Variants in NALCN observed in about 807,000 individuals in gnomAD.
NALCN encodes the protein sodium leak channel NALCN.
Under a neutral mutation model 225.3 loss-of-function variants are expected in NALCN, and 111 were observed. The ratio of observed to expected loss-of-function variants is 0.49; its 90% CI spans 0.42 to 0.58. The LOEUF (loss-of-function observed/expected upper bound fraction) is 0.58, where lower values mean the gene tolerates loss of function less well. Ranked by LOEUF, NALCN falls within the 20% of genes least tolerant of loss-of-function variation. The probability of loss-of-function intolerance (pLI) is 0.00; values close to 1 mark genes in which losing one functional copy is unlikely to be tolerated. For missense variants in NALCN, 1,378 were observed against 2,202.4 expected (o/e 0.63, Z 7.49); for synonymous variants, 764 against 769.0 (o/e 0.99, Z 0.11).
intron 13 of NALCN, among the ~76,000 whole-genome samples, chr13:101,224,829 C>T (rs2041076592): frequency 6.6e-6 from 1 of 152,136 alleles, no homozygotes; most frequent in African/African-American, 2.4e-5. Context: ...CCCCCTTTTA[C>T]AACAAGCCTC....
chr13:101,354,104 G>A (rs889164035), intron 6 of NALCN, among the ~76,000 whole-genome samples: 2 of 152,178 alleles, frequency 1.3e-5, no homozygotes, highest in Non-Finnish European at 2.9e-5. Context: ...AGCACTTTGG[G>A]AGGCCGAGGC....
intron 19 of NALCN, 69 bp from the exon 20 acceptor site, chr13:101,110,757 T>C (rs768339137): frequency 3.0e-5 from 46 of 1,509,708 alleles, no homozygotes; most frequent in Admixed American, 5.1e-5. Flanking sequence ...GTGACCATGA[T>C]AAAATCAAAA....
At chr13:101,121,107 GTCAGA>G (rs1235080063) in intron 18 of NALCN, among the ~76,000 whole-genome samples, 2 of 152,064 alleles carry the variant, frequency 1.3e-5, no homozygotes, top group African/African-American at 2.4e-5. Context: ...AAAACTGAGG[GTCAGA>G]TTAGTGAGGT....
intron 41 of NALCN, among the ~76,000 whole-genome samples, chr13:101,061,637 A>AGTGAGCACT (rs1469300329): frequency 1.3e-5 from 2 of 151,874 alleles, no homozygotes; most frequent in Non-Finnish European, 2.9e-5. Context: ...TCCCCCCTTG[A>AGTGAGCACT]CCTCTCATAG....
At chr13:101,253,161 A>G (rs1429634654) in intron 11 of NALCN, among the ~76,000 whole-genome samples, 2 of 152,170 alleles carry the variant, frequency 1.3e-5, no homozygotes, top group African/African-American at 2.4e-5. Context: ...CTGTTTATGC[A>G]TAGGCTACAA....
intron 1 of NALCN, among the ~76,000 whole-genome samples, chr13:101,405,644 T>C (rs767571171): frequency 6.6e-5 from 10 of 152,178 alleles, no homozygotes; most frequent in Admixed American, 1.3e-4. Flanking sequence ...TCACACGCAC[T>C]GGGCACTTTC....
At chr13:101,170,302 T>C (rs1408898174) in intron 15 of NALCN, among the ~76,000 whole-genome samples, 1 of 152,194 alleles carries the variant, frequency 6.6e-6, no homozygotes, top group African/African-American at 2.4e-5. Context: ...GTTGTTTACA[T>C]GGTGCAGGCA....
chr13:101,127,285 A>T (rs1181665911), intron 17 of NALCN, among the ~76,000 whole-genome samples: 1 of 152,216 alleles, frequency 6.6e-6, no homozygotes, highest in Non-Finnish European at 1.5e-5. Context: ...CTGTTTTTAT[A>T]ACTAATGCCA....
intron 11 of NALCN, among the ~76,000 whole-genome samples, chr13:101,257,544 A>T (rs1419066766): frequency 3.9e-5 from 6 of 151,916 alleles, no homozygotes; most frequent in African/African-American, 1.5e-4. Flanking sequence ...TGGCAAATTG[A>T]TTTTTTTTAT....
intron 11 of NALCN, among the ~76,000 whole-genome samples, chr13:101,244,407 G>T (rs1408122721): frequency 2.0e-5 from 3 of 152,116 alleles, no homozygotes; most frequent in African/African-American, 7.2e-5. Flanking sequence ...GTGGGAAAAT[G>T]ATATTCTTTT....
intron 7 of NALCN, among the ~76,000 whole-genome samples, chr13:101,320,963 A>C (rs1379411190): frequency 1.3e-5 from 2 of 152,184 alleles, no homozygotes; most frequent in Non-Finnish European, 2.9e-5. Flanking sequence ...TCTGCAGAGC[A>C]ACACCGTTAA....
At chr13:101,123,368 T>C (rs2036072059) in intron 18 of NALCN, among the ~76,000 whole-genome samples, 1 of 152,180 alleles carries the variant, frequency 6.6e-6, no homozygotes, top group African/African-American at 2.4e-5. Context: ...AGCCTTGCTG[T>C]AGGACCCTAC....
At chr13:101,187,238 T>G (rs60863524) in intron 14 of NALCN, among the ~76,000 whole-genome samples, 21,021 of 152,206 alleles carry the variant, frequency 0.14, 2,114 homozygotes, top group African/African-American at 0.28. Context: ...GATTTCTTAC[T>G]ATGCCTCATT....
chr13:101,169,084 C>T (rs1369277699), intron 15 of NALCN, among the ~76,000 whole-genome samples: 1 of 152,120 alleles, frequency 6.6e-6, no homozygotes, highest in Non-Finnish European at 1.5e-5. Flanking sequence ...TAATCATCAC[C>T]ACTGAACCCA....
intron 18 of NALCN, among the ~76,000 whole-genome samples, chr13:101,122,991 C>T (rs370350518): frequency 6.6e-6 from 1 of 152,202 alleles, no homozygotes; most frequent in Non-Finnish European, 1.5e-5. Context: ...CAGATTAATA[C>T]ACGCCATAGT....
intron 13 of NALCN, among the ~76,000 whole-genome samples, chr13:101,227,832 T>C (rs2041205044): frequency 6.6e-6 from 1 of 152,218 alleles, no homozygotes. Context: ...TTACCATTGA[T>C]GGTTCTTGCT....
In NALCN at chr13:101,122,935, G is replaced by C. The variant is rs1263758581; in HGVS notation, c.2192+1673C>G. On this transcript the variant is annotated intron_variant, in intron 18 of 43. Coordinates refer to ENST00000251127, the MANE Select transcript of NALCN (RefSeq NM_052867.4). Reference sequence around the variant, plus strand: ...GGGACCCTCTTTTTGGAGAAATCCAGGTGGGAACGGTCCTTTTGCTTGGCA... The same window carrying C: ...GGGACCCTCTTTTTGGAGAAATCCACGTGGGAACGGTCCTTTTGCTTGGCA... Among the ~76,000 whole-genome samples, 3 of 152,208 alleles carry C rather than the reference G, an allele frequency of 2.0e-5. No individual in the cohort carries two copies. The South Asian group carries it at 6.2e-4, about 32-fold the overall frequency.
rs748873115 is a variant in NALCN, at chr13:101,399,000, A to T, written c.108+19T>A. The T allele has an allele frequency of 7.0e-7, 1 of 1,433,618 alleles. No homozygotes were observed. Among genetic ancestry groups the T allele is most frequent in the Non-Finnish European group, 9.8e-7 (1 of 1,015,888 alleles). The allele number at this position is 1,433,618 out of a possible 1,614,324, so 88.8% of individuals were successfully genotyped here. ...CTCACATCCACATATGCTTCTCCAT[A>T]CTCAAAGAAGAAACTTACTGGTTTG... On this transcript the variant is annotated intron_variant, in intron 2 of 43. Coordinates refer to ENST00000251127, the MANE Select transcript of NALCN (RefSeq NM_052867.4).
intron 1 of NALCN, among the ~76,000 whole-genome samples, chr13:101,401,903 A>G (rs2047489132): frequency 6.6e-6 from 1 of 152,238 alleles, no homozygotes; most frequent in African/African-American, 2.4e-5. Context: ...GTAGTAAAAT[A>G]AATTTAAGTT....
Sources: gnomAD v4.1 joint callset for allele counts (sites outside exome capture counted in the v4.1 genomes callset) on GRCh38, gnomAD v4.1.1 for gene constraint, MANE v1.5 for transcripts, NCBI Gene and HGNC (gene_info 2026-07-23, HGNC 2026-07-21) for gene names.